The following CLASP2 variants were observed in gnomAD, a reference collection of about 807,000 sequenced individuals.
CLASP2 encodes cytoplasmic linker associated protein 2, also known as CLIP-associating protein 2.
A neutral mutation model predicts 194.4 loss-of-function variants in CLASP2; 47 were observed. That is an observed-to-expected ratio of 0.24 (90% CI 0.19 to 0.31). The LOEUF (loss-of-function observed/expected upper bound fraction) is 0.31. Among genes scored for constraint, CLASP2 ranks in the 10% least tolerant of loss-of-function variants. The pLI is 1.00. For synonymous variants in CLASP2, 619 were observed against 633.5 expected, an observed-to-expected ratio of 0.98 and a Z score of 0.34; for missense variants, 1,445 against 1,823.6, an observed-to-expected ratio of 0.79 and a Z score of 3.78.
chr3:33,634,557 A>G (rs184591511), intron 8 of CLASP2, among the ~76,000 whole-genome samples: 2 of 152,336 alleles, frequency 1.3e-5, no homozygotes, highest in Admixed American at 1.3e-4. Flanking sequence ...ATATCCTTTG[A>G]CCAACGAAGG....
At chr3:33,520,744 T>C (rs2052784074) in intron 34 of CLASP2, among the ~76,000 whole-genome samples, 1 of 151,878 alleles carries the variant, frequency 6.6e-6, no homozygotes. Flanking sequence ...AAATTAGAAT[T>C]TCCTTGGTGC....
At chr3:33,677,595 C>A (rs1472410742) in intron 6 of CLASP2, among the ~76,000 whole-genome samples, 2 of 148,106 alleles carry the variant, frequency 1.4e-5, no homozygotes, top group Admixed American at 1.3e-4. Flanking sequence ...GGGAGATATA[C>A]CTAATGCTAG....
intron 30 of CLASP2, among the ~76,000 whole-genome samples, chr3:33,550,898 C>T (rs1316897132): frequency 6.6e-6 from 1 of 152,088 alleles, no homozygotes; most frequent in Non-Finnish European, 1.5e-5. Flanking sequence ...TACCTAATGT[C>T]TACATTCATC....
chr3:33,547,219 G>T (rs2059287451), intron 30 of CLASP2, among the ~76,000 whole-genome samples: 1 of 152,132 alleles, frequency 6.6e-6, no homozygotes, highest in East Asian at 1.9e-4. Context: ...TGAATCATGG[G>T]GGTGGTTTCT....
chr3:33,571,249 A>G (rs1349363746), intron 25 of CLASP2, among the ~76,000 whole-genome samples: 85 of 147,704 alleles, frequency 5.8e-4, no homozygotes, highest in Admixed American at 4.0e-4. Flanking sequence ...TCCTGACCTC[A>G]TGATCCGCCC....
chr3:33,510,542 A>C lies in CLASP2; in HGVS notation c.4317+16T>G. The C allele has an allele frequency of 6.2e-7, 1 of 1,612,190 alleles. No individual in the cohort carries two copies. Among genetic ancestry groups the C allele is most frequent in the South Asian group, 1.1e-5 (1 of 91,018 alleles). ...AATGTATCATGGCTTATTCCTCTCC[A>C]AGCTTTGTTGCTTACCTGTATTAGA... On this transcript the variant is annotated intron_variant, in intron 37 of 38. Coordinates refer to ENST00000682230, the MANE Select transcript of CLASP2 (RefSeq NM_001365631.1).
chr3:33,614,687 T>C (rs2075796673), intron 12 of CLASP2, among the ~76,000 whole-genome samples: 1 of 152,072 alleles, frequency 6.6e-6, no homozygotes, highest in Non-Finnish European at 1.5e-5. Context: ...GCATGGTGGC[T>C]CACGCCTGTA....
chr3:33,519,379 C>A (rs2052329214), intron 34 of CLASP2, among the ~76,000 whole-genome samples: 1 of 152,022 alleles, frequency 6.6e-6, no homozygotes, highest in Admixed American at 6.6e-5. Context: ...GGCAGAAACA[C>A]TGGGTGAGAG....
At chr3:33,567,674 GA>G (rs976397560) in intron 26 of CLASP2, among the ~76,000 whole-genome samples, 54 of 152,238 alleles carry the variant, frequency 3.5e-4, no homozygotes, top group African/African-American at 1.3e-3. Context: ...ACATGAGGTG[GA>G]TATTACTATT....
intron 13 of CLASP2, among the ~76,000 whole-genome samples, chr3:33,608,834 C>A (rs1341245303): frequency 6.8e-6 from 1 of 146,366 alleles, no homozygotes; most frequent in Non-Finnish European, 1.5e-5. Context: ...CTCACTGCAA[C>A]CTCTGCCTCC....
chr3:33,701,947 A>G (rs1280192498), intron 1 of CLASP2, among the ~76,000 whole-genome samples: 1 of 152,176 alleles, frequency 6.6e-6, no homozygotes, highest in African/African-American at 2.4e-5. Flanking sequence ...CATAAAAGAA[A>G]AAAACATAAA....
chr3:33,667,442 C>T (rs551896813), intron 6 of CLASP2, among the ~76,000 whole-genome samples: 92 of 122,146 alleles, frequency 7.5e-4, no homozygotes, highest in Non-Finnish European at 1.1e-3. Flanking sequence ...ATTTGATTTG[C>T]AAGTATTTAC....
At chr3:33,595,114 G>A in intron 19 of CLASP2, 146 bp from the exon 20 acceptor site, 2 of 422,522 alleles carry the variant, frequency 4.7e-6, no homozygotes, top group Non-Finnish European at 8.5e-6. Context: ...TTAACTGCGG[G>A]AAGGTTCATT....
chr3:33,685,127 G>C (rs1260641655), intron 5 of CLASP2, among the ~76,000 whole-genome samples: 2 of 151,048 alleles, frequency 1.3e-5, no homozygotes, highest in East Asian at 1.9e-4. Context: ...GTTCACCTGA[G>C]GTCAGGAGTT....
chr3:33,688,786 CT>C (rs543255244), intron 3 of CLASP2, among the ~76,000 whole-genome samples: 127 of 151,050 alleles, frequency 8.4e-4, no homozygotes, highest in African/African-American at 2.7e-3. Context: ...GGAACAGGCG[CT>C]TTTTTTTTGG....
chr3:33,565,820 GA>G (rs1284114076), intron 27 of CLASP2, among the ~76,000 whole-genome samples: 5 of 147,718 alleles, frequency 3.4e-5, no homozygotes, highest in East Asian at 2.0e-4. Flanking sequence ...TCAAAAAAAA[GA>G]AAAAAAAATA....
At chr3:33,523,440 AG>A (rs1033477921) in intron 34 of CLASP2, among the ~76,000 whole-genome samples, 5 of 152,228 alleles carry the variant, frequency 3.3e-5, no homozygotes, top group Admixed American at 2.0e-4. Flanking sequence ...TGACATAAAA[AG>A]GATCCTCAGT....
chr3:33,702,596 A>AT (rs2092446756), intron 1 of CLASP2, among the ~76,000 whole-genome samples: 2 of 152,182 alleles, frequency 1.3e-5, no homozygotes, highest in African/African-American at 4.8e-5. Flanking sequence ...CAAAAAAAGA[A>AT]TTAGAGTTTA....
intron 7 of CLASP2, among the ~76,000 whole-genome samples, chr3:33,651,587 T>A (rs2083221077): frequency 6.6e-6 from 1 of 151,680 alleles, no homozygotes; most frequent in African/African-American, 2.4e-5. Flanking sequence ...TCACACCTTG[T>A]CCTTTTTTTT....
Sources: allele counts gnomAD v4.1 joint callset (sites outside exome capture counted in the v4.1 genomes callset), GRCh38; gene constraint gnomAD v4.1.1; transcripts MANE v1.5; gene names NCBI Gene and HGNC (gene_info 2026-07-23, HGNC 2026-07-21).